SKP1: variants seen among roughly 807,000 people sequenced by gnomAD.
SKP1 encodes the protein S-phase kinase associated protein 1.
Under a neutral mutation model 21.5 loss-of-function variants are expected in SKP1, and 1 was observed. The ratio of observed to expected loss-of-function variants is 0.05; its 90% CI spans 0.02 to 0.22. The LOEUF is 0.22. Among genes scored for constraint, SKP1 ranks in the 10% least tolerant of loss-of-function variants. The pLI, the probability that SKP1 is intolerant of heterozygous loss-of-function variation, is 1.00. For synonymous variants in SKP1, 59 were observed against 59.3 expected (o/e 0.99, Z 0.03); for missense variants, 70 against 192.0 (o/e 0.36, Z 3.76).
At chr5:134,174,890 T>C (rs531024447) in intron 1 of SKP1, 1 of 149,456 alleles carries the variant, frequency 6.7e-6, no homozygotes, top group African/African-American at 2.5e-5. Flanking sequence ...AAAGAAAACA[T>C]ACAAACAAGG....
At position 134,150,177 on chromosome 5, in the gene SKP1, G is replaced by A. The variant is rs1276260606; in HGVS notation, c.*7556C>T. 2 of 152,188 alleles carry A rather than the reference G, an allele frequency of 1.3e-5. No individual in the cohort carries two copies. Among genetic ancestry groups the A allele is most frequent in the Non-Finnish European group, 2.9e-5 (2 of 68,056 alleles). The allele number at this position is 152,188 out of a possible 1,614,324, so 9.4% of individuals were successfully genotyped here. A position where few individuals can be genotyped will look rare whatever the true frequency, so the allele number is the denominator to read the frequency against. On this transcript the variant is annotated 3_prime_UTR_variant, in exon 6 of 6. Transcript: ENST00000353411. ...GGGTTCAGCCCAGCAAGCAGACAAAGCCTATGTCTCCCAACGTGAAGGTGT... is the reference window on the plus strand; with the variant it reads ...GGGTTCAGCCCAGCAAGCAGACAAAACCTATGTCTCCCAACGTGAAGGTGT...
In SKP1 at chr5:134,158,440, C is replaced by T. The variant is rs1761159333; in HGVS notation, c.456+15G>A. On this transcript the variant is annotated intron_variant, in intron 5 of 5. Coordinates refer to ENST00000353411, the MANE Select transcript of SKP1 (RefSeq NM_170679.3). ...TAAGAGCATGTGATCAAAGACAAAA[C>T]TGTGTGCTACCTACCTGGGCTTCCT... 2 of 1,614,006 alleles carry T rather than the reference C, an allele frequency of 1.2e-6. No individual in the cohort carries two copies. The highest frequency in any genetic ancestry group is 1.7e-6 in the Non-Finnish European group (2 of 1,179,958).
chr5:134,169,724 A>G (rs763221722), intron 2 of SKP1, among the ~76,000 whole-genome samples: 2 of 151,104 alleles, frequency 1.3e-5, no homozygotes, highest in African/African-American at 2.4e-5. Context: ...AAAATTGGCC[A>G]GGCATGGCGG....
rs1761005815 is a variant in SKP1, at chr5:134,149,444, G to A, written c.*8289C>T. On this transcript the variant is annotated 3_prime_UTR_variant, in exon 6 of 6. Transcript: ENST00000353411. ...CAAGTAGATGATACATGTCAGGCAA[G>A]AAGTATTTCACATGGGACAGCCACT... The A allele has an allele frequency of 6.6e-6, 1 of 152,214 alleles. No homozygotes were observed. The highest frequency in any genetic ancestry group is 2.4e-5 in the African/African-American group (1 of 41,452). 9.4% of individuals were successfully genotyped at this position (152,214 alleles called of 1,614,324 possible).
rs1761020827 is a variant in SKP1, at chr5:134,150,016, G to T, written c.*7717C>A. The T allele has an allele frequency of 6.6e-6, 1 of 152,118 alleles. No homozygotes were observed. Among genetic ancestry groups the T allele is most frequent in the Non-Finnish European group, 1.5e-5 (1 of 68,036 alleles). The allele number at this position is 152,118 out of a possible 1,614,324, so 9.4% of individuals were successfully genotyped here. ...CAGCTGAGAACCAACCCTGTTTCCT[G>T]AGACATCATAAGACAAGATACCTTA... On this transcript the variant is annotated 3_prime_UTR_variant, in exon 6 of 6. Transcript: ENST00000353411.
rs1761125997 is a variant in SKP1, at chr5:134,156,664, T to G, written c.*1069A>C. ...ATTGTAGGAGGGAAGCTGGAAACAA[T>G]GGCAGAGTAATTTTGTGTTAAGAAT... On this transcript the variant is annotated 3_prime_UTR_variant, in exon 6 of 6. Coordinates refer to ENST00000353411, the MANE Select transcript of SKP1 (RefSeq NM_170679.3). The G allele has an allele frequency of 6.6e-6, 1 of 152,198 alleles. No homozygotes were observed. Among genetic ancestry groups the G allele is most frequent in the South Asian group, 2.1e-4 (1 of 4,832 alleles). 9.4% of individuals were successfully genotyped at this position (152,198 alleles called of 1,614,324 possible). A position where few individuals can be genotyped will look rare whatever the true frequency, so the allele number is the denominator to read the frequency against.
rs1169682739 is a variant in SKP1, at chr5:134,154,963, T to G, written c.*2770A>C. On this transcript the variant is annotated 3_prime_UTR_variant, in exon 6 of 6. Coordinates refer to ENST00000353411, the MANE Select transcript of SKP1 (RefSeq NM_170679.3). ...GTTTTCATTATGCCCTGTACCTGCA[T>G]TTCACAAGGACTTTTCACTTCTGTT... The G allele has an allele frequency of 6.6e-6, 1 of 152,230 alleles. No homozygotes were observed. Among genetic ancestry groups the G allele is most frequent in the Non-Finnish European group, 1.5e-5 (1 of 68,040 alleles). The allele number at this position is 152,230 out of a possible 1,614,324, so 9.4% of individuals were successfully genotyped here.
intron 4 of SKP1, among the ~76,000 whole-genome samples, chr5:134,160,751 C>T (rs978653871): frequency 3.9e-5 from 6 of 152,116 alleles, no homozygotes; most frequent in Non-Finnish European, 7.3e-5. Flanking sequence ...ATATTTAAAG[C>T]GGGTTTCTTA....
chr5:134,156,503 G>A lies in SKP1; in HGVS notation c.*1230C>T, dbSNP rs781011580. ...ATGATCTGAGCCTGAACAACTCAGT[G>A]AATGTGAAGAGAAAACAAGATTACA... is the stretch of plus-strand genomic sequence containing the variant. On this transcript the variant is annotated 3_prime_UTR_variant, in exon 6 of 6. Transcript: ENST00000353411. 6.6e-6 allele frequency: 1 copy of A among 152,032 alleles called. No homozygotes were observed. Among genetic ancestry groups the A allele is most frequent in the Non-Finnish European group, 1.5e-5 (1 of 68,004 alleles). The allele number at this position is 152,032 out of a possible 1,614,324, so 9.4% of individuals were successfully genotyped here.
At chr5:134,157,935 C>T in intron 5 of SKP1, 167 bp from the exon 6 acceptor site, 1 of 1,535,452 alleles carries the variant, frequency 6.5e-7, no homozygotes, top group Non-Finnish European at 8.7e-7. Flanking sequence ...CCTTTCTTTG[C>T]CTCCCATGGT....
At chr5:134,161,980 A>C (rs1761228734) in intron 3 of SKP1, 1 of 152,214 alleles carries the variant, frequency 6.6e-6, no homozygotes, top group South Asian at 2.1e-4. Flanking sequence ...GTATGGCTAA[A>C]ACTTTTTCAT....
intron 3 of SKP1, among the ~76,000 whole-genome samples, chr5:134,162,503 T>G (rs957567806): frequency 2.6e-5 from 4 of 152,186 alleles, no homozygotes; most frequent in Non-Finnish European, 5.9e-5. Context: ...CCTCCTGGGT[T>G]CAAGCGATTC....
intron 1 of SKP1, 196 bp downstream of exon 1, chr5:134,176,659 G>A (rs557839101): frequency 9.8e-5 from 15 of 152,626 alleles, no homozygotes; most frequent in African/African-American, 3.6e-4. Context: ...GCCTCGCTGA[G>A]TCGGGGGCGG....
Position 134,166,580 on chromosome 5 carries a change from CAAAA to C in SKP1, c.171+586_171+589del, listed in dbSNP as rs36106913. Among the ~76,000 whole-genome samples, 185 of 52,520 alleles carry C rather than the reference CAAAA, an allele frequency of 3.5e-3. 3 individuals are homozygous for C. The highest frequency in any genetic ancestry group is 0.035 in the Admixed American group (100 of 2,884). The allele number at this position is 52,520 out of a possible 152,430, so 34.5% of individuals were successfully genotyped here. On this transcript the variant is annotated intron_variant, in intron 3 of 5. Transcript: ENST00000353411. ...TGGCGACAGAGCAAGACTCTGGTCT[CAAAA>C]AAAAAAAAAAAAAAAAAAAAAAGAA...
Position 134,154,238 on chromosome 5 carries a change from G to A in SKP1, c.*3495C>T, listed in dbSNP as rs546882069. On this transcript the variant is annotated 3_prime_UTR_variant, in exon 6 of 6. Transcript: ENST00000353411. ...TAAGGCGGGCGGATCACAAGGTCAGGAGTTCAAGACCAGCCTGGCCAATAT... is the reference window on the plus strand; with the variant it reads ...TAAGGCGGGCGGATCACAAGGTCAGAAGTTCAAGACCAGCCTGGCCAATAT... 6.6e-6 allele frequency: 1 copy of A among 151,886 alleles called. No individual in the cohort carries two copies. Among genetic ancestry groups the A allele is most frequent in the South Asian group, 2.1e-4 (1 of 4,816 alleles). 9.4% of individuals were successfully genotyped at this position (151,886 alleles called of 1,614,324 possible).
intron 5 of SKP1, 57 bp from the exon 6 acceptor site, chr5:134,157,825 A>T (rs1761146749): frequency 6.2e-7 from 1 of 1,612,390 alleles, no homozygotes; most frequent in African/African-American, 1.3e-5. Flanking sequence ...CCTAAGACTT[A>T]TAAATACTAC....
chr5:134,168,667 G>C (rs548181856), intron 2 of SKP1, among the ~76,000 whole-genome samples: 1 of 152,220 alleles, frequency 6.6e-6, no homozygotes, highest in Non-Finnish European at 1.5e-5. Flanking sequence ...GGTAAGAAAT[G>C]ACCTAATTCT....
chr5:134,158,835 A>G (rs932319368), intron 4 of SKP1, among the ~76,000 whole-genome samples: 11 of 152,220 alleles, frequency 7.2e-5, no homozygotes, highest in African/African-American at 2.4e-4. Flanking sequence ...CTCAAATGTG[A>G]AATAACGGCC....
In SKP1 at chr5:134,152,218, A is replaced by T. The variant is rs947499187; in HGVS notation, c.*5515T>A. On this transcript the variant is annotated 3_prime_UTR_variant, in exon 6 of 6. Coordinates refer to ENST00000353411, the MANE Select transcript of SKP1 (RefSeq NM_170679.3). The stretch of plus-strand genomic sequence containing the variant: ...TAAAAATTAAAATTAAAAAAATTAG[A>T]ATTTAGCTCACTCAAAAATTGCCCT... The T allele has an allele frequency of 6.9e-6, 1 of 145,900 alleles. No homozygotes were observed. Among genetic ancestry groups the T allele is most frequent in the Non-Finnish European group, 1.5e-5 (1 of 67,830 alleles). 9.0% of individuals were successfully genotyped at this position (145,900 alleles called of 1,614,324 possible). A position where few individuals can be genotyped will look rare whatever the true frequency, so the allele number is the denominator to read the frequency against.
Sources: gnomAD v4.1 joint callset for allele counts (sites outside exome capture counted in the v4.1 genomes callset) on GRCh38, gnomAD v4.1.1 for gene constraint, MANE v1.5 for transcripts, NCBI Gene and HGNC (gene_info 2026-07-23, HGNC 2026-07-21) for gene names.